Variants in STON2 observed in about 807,000 individuals in gnomAD.
STON2 encodes stonin-2.
Under a neutral mutation model 65.7 loss-of-function variants are expected in STON2, and 29 were observed. The ratio of observed to expected loss-of-function variants is 0.44; its 90% CI spans 0.33 to 0.60. The LOEUF is 0.60. Among genes scored for constraint, STON2 ranks in the 20% least tolerant of loss-of-function variants. The pLI is 0.03. For missense variants in STON2, 1,054 were observed against 1,118.1 expected, an observed-to-expected ratio of 0.94 and a Z score of 0.82; for synonymous variants, 404 against 414.2, an observed-to-expected ratio of 0.98 and a Z score of 0.30.
chr14:81,263,930 G>A lies in STON2; in HGVS notation c.*4484C>T. The A allele has an allele frequency of 8.1e-6, 8 of 985,336 alleles. No homozygotes were observed. The highest frequency in any genetic ancestry group is 7.2e-6 in the Non-Finnish European group (6 of 829,930). The allele number at this position is 985,336 out of a possible 1,614,324, so 61.0% of individuals were successfully genotyped here. ...ATCATGACTTTATCTCACAAATTTT[G>A]ACCTTACTATCTCAGACCTCCATCT... On this transcript the variant is annotated 3_prime_UTR_variant, in exon 8 of 8. Coordinates refer to ENST00000614646, the MANE Select transcript of STON2 (RefSeq NM_001394390.1).
chr14:81,336,785 T>C (rs1191762726), intron 4 of STON2, among the ~76,000 whole-genome samples: 1 of 152,242 alleles, frequency 6.6e-6, no homozygotes, highest in African/African-American at 2.4e-5. Context: ...ATTTGAAGGA[T>C]ACAAGATGGC....
intron 3 of STON2, chr14:81,394,893 A>C (rs922504660): frequency 6.6e-6 from 1 of 152,198 alleles, no homozygotes; most frequent in African/African-American, 2.4e-5. Context: ...AAGATGATAA[A>C]CTTATGTTGT....
chr14:81,428,521 G>C (rs754861402), intron 1 of STON2, among the ~76,000 whole-genome samples: 1 of 152,084 alleles, frequency 6.6e-6, no homozygotes, highest in Non-Finnish European at 1.5e-5. Flanking sequence ...CCAGAAGTTC[G>C]AGACTAGCCA....
chr14:81,357,473 AT>A (rs760794066), intron 4 of STON2, among the ~76,000 whole-genome samples: 3 of 151,196 alleles, frequency 2.0e-5, no homozygotes, highest in Non-Finnish European at 4.4e-5. Context: ...TAGTTCAACC[AT>A]TGTGGAAGTC....
chr14:81,299,924 T>A (rs773667610), intron 5 of STON2, among the ~76,000 whole-genome samples: 1 of 151,568 alleles, frequency 6.6e-6, no homozygotes, highest in Non-Finnish European at 1.5e-5. Context: ...ATCAATATGA[T>A]TCCAATAAAA....
intron 5 of STON2, among the ~76,000 whole-genome samples, chr14:81,304,192 T>C (rs1169641060): frequency 6.6e-6 from 1 of 152,182 alleles, no homozygotes; most frequent in Non-Finnish European, 1.5e-5. Flanking sequence ...CAGGGTTTTG[T>C]ACATTTTTAG....
At chr14:81,270,212 G>A (rs1177420450) in intron 7 of STON2, 4 of 395,438 alleles carry the variant, frequency 1.0e-5, no homozygotes, top group African/African-American at 4.4e-5. Context: ...TCAGTCTCCT[G>A]AGTAGCTGGA....
chr14:81,294,375 C>G (rs1483415556), intron 5 of STON2, among the ~76,000 whole-genome samples: 1 of 152,154 alleles, frequency 6.6e-6, no homozygotes, highest in Non-Finnish European at 1.5e-5. Flanking sequence ...AGGTGGGAAG[C>G]AGACAGGACT....
At chr14:81,331,379 G>A (rs1057307746) in intron 4 of STON2, among the ~76,000 whole-genome samples, 1 of 152,108 alleles carries the variant, frequency 6.6e-6, no homozygotes, top group African/African-American at 2.4e-5. Flanking sequence ...GGTTCTAGGG[G>A]GTTGGACCAA....
intron 4 of STON2, among the ~76,000 whole-genome samples, chr14:81,325,264 G>A (rs1031395621): frequency 2.0e-5 from 3 of 152,274 alleles, no homozygotes; most frequent in South Asian, 2.1e-4. Context: ...AATAAAAGGG[G>A]GAAAATGTAC....
chr14:81,308,545 A>T (rs1896269564), intron 5 of STON2, among the ~76,000 whole-genome samples: 1 of 151,622 alleles, frequency 6.6e-6, no homozygotes, highest in South Asian at 2.1e-4. Context: ...ACAAAACCTA[A>T]CCCCAGAATT....
intron 3 of STON2, among the ~76,000 whole-genome samples, chr14:81,389,433 T>C (rs1034782563): frequency 1.3e-5 from 2 of 152,244 alleles, no homozygotes; most frequent in Admixed American, 1.3e-4. Flanking sequence ...TTGCTCAGTC[T>C]ACATGAGTGA....
intron 3 of STON2, among the ~76,000 whole-genome samples, chr14:81,377,198 C>A (rs878862212): frequency 6.6e-6 from 1 of 152,176 alleles, no homozygotes; most frequent in African/African-American, 2.4e-5. Flanking sequence ...CCTTTGACAA[C>A]CACTAATCTG....
rs533299479 is a variant in STON2, at chr14:81,383,828, A to G, written c.373+12066T>C. On this transcript the variant is annotated intron_variant, in intron 3 of 7. Coordinates refer to ENST00000614646, the MANE Select transcript of STON2 (RefSeq NM_001394390.1). Reference sequence around the variant, plus strand: ...TTACTGTTGAAACTCAAGCTGGATCAGGCCACACCTCAGTTCAAAACCCTC... The same window carrying G: ...TTACTGTTGAAACTCAAGCTGGATCGGGCCACACCTCAGTTCAAAACCCTC... 4.6e-5 allele frequency among the ~76,000 whole-genome samples: 7 copies of G among 152,352 alleles called. 1 individual carries two copies. Among genetic ancestry groups the G allele is most frequent in the African/African-American group, 1.7e-4 (7 of 41,588 alleles).
intron 5 of STON2, among the ~76,000 whole-genome samples, chr14:81,296,852 A>C (rs1257496862): frequency 6.6e-6 from 1 of 152,242 alleles, no homozygotes; most frequent in Non-Finnish European, 1.5e-5. Flanking sequence ...ACTCCCTAAA[A>C]TATTTAGAGA....
chr14:81,286,546 AAT>A (rs1171537545), intron 5 of STON2, among the ~76,000 whole-genome samples: 1 of 152,238 alleles, frequency 6.6e-6, no homozygotes. Flanking sequence ...TTGCACAACT[AAT>A]AGACTATAGT....
chr14:81,340,633 G>A (rs7153219), intron 4 of STON2, among the ~76,000 whole-genome samples: 69,415 of 151,906 alleles, frequency 0.46, 17,376 homozygotes, highest in African/African-American at 0.66. Context: ...GTTCTGGCCA[G>A]TAGGATGCAC....
chr14:81,425,510 T>C (rs1901922458), intron 2 of STON2, among the ~76,000 whole-genome samples: 1 of 151,870 alleles, frequency 6.6e-6, no homozygotes, highest in South Asian at 2.1e-4. Context: ...AGGCAGAGAT[T>C]GCAGTGAGCC....
rs1206590234 is a variant in STON2 at position 81,261,749 on chromosome 14, C to A, written c.*6665G>T. ...TCAGGTAGCACCCAAATCCTAACATCTATTTTGGAGACCTGTCTGTGCCTC... is the reference window on the plus strand; with the variant it reads ...TCAGGTAGCACCCAAATCCTAACATATATTTTGGAGACCTGTCTGTGCCTC... On this transcript the variant is annotated 3_prime_UTR_variant, in exon 8 of 8. Coordinates refer to ENST00000614646, the MANE Select transcript of STON2 (RefSeq NM_001394390.1). The A allele has an allele frequency of 2.0e-6, 3 of 1,476,622 alleles. No individual in the cohort carries two copies. In the African/African-American group the frequency reaches 4.2e-5, roughly 21 times the overall value. The allele number at this position is 1,476,622 out of a possible 1,614,324, so 91.5% of individuals were successfully genotyped here.
Sources: gnomAD v4.1 joint callset for allele counts (sites outside exome capture counted in the v4.1 genomes callset) on GRCh38, gnomAD v4.1.1 for gene constraint, MANE v1.5 for transcripts, NCBI Gene and HGNC (gene_info 2026-07-23, HGNC 2026-07-21) for gene names.